Variants in OAS1 observed in about 807,000 individuals in gnomAD.
OAS1 encodes 2'-5'-oligoadenylate synthetase 1.
A neutral mutation model predicts 38.5 loss-of-function variants in OAS1; 24 were observed. The observed-to-expected ratio is 0.62, with a 90% CI of 0.45 to 0.88. The LOEUF is 0.88. Among genes scored for constraint, OAS1 ranks in the 40% least tolerant of loss-of-function variants. The pLI, the probability that OAS1 is intolerant of heterozygous loss-of-function variation, is 0.00. For synonymous variants in OAS1, 169 were observed against 193.9 expected (o/e 0.87, Z 1.07); for missense variants, 482 against 493.9 (o/e 0.98, Z 0.23).
Position 112,916,705 on chromosome 12 carries a change from A to G in OAS1, c.851A>G (p.Glu284Gly). The G allele has an allele frequency of 3.1e-6, 5 of 1,614,176 alleles. No individual in the cohort carries two copies. Among genetic ancestry groups the G allele is most frequent in the Non-Finnish European group, 4.2e-6 (5 of 1,180,010 alleles). The change falls in exon 4 of 6, where the codon GAA (glutamate) becomes GGA (glycine). Residue 284 changes from glutamate (E) to glycine (G), a missense_variant. Transcript: ENST00000202917. ...KYYDFKNPII[E>G]KYLRRQLTKP... ...TATGACTTTAAAAACCCCATTATTG[A>G]AAAGTACCTGAGAAGGCAGCTCACG...
At chr12:112,917,914 C>A (rs2043486261) in intron 5 of OAS1, 3 of 1,445,916 alleles carry the variant, frequency 2.1e-6, no homozygotes, top group Non-Finnish European at 2.7e-6. Context: ...GAATTCATTC[C>A]CCTAAGAGTA....
At position 112,932,009 on chromosome 12, in the gene OAS1, A is replaced by G. The variant is rs550866003; in HGVS notation, c.*87A>G. Reference sequence around the variant, plus strand: ...GCTTAGGGAGGCAGAAATCACAGCAAGGAAAACCTTCAATAATAAACAGAC... The same window carrying G: ...GCTTAGGGAGGCAGAAATCACAGCAGGGAAAACCTTCAATAATAAACAGAC... On this transcript the variant is annotated 3_prime_UTR_variant, in exon 7 of 7. Transcript: ENST00000540589. The G allele has an allele frequency of 4.2e-4, 289 of 685,462 alleles. No individual in the cohort carries two copies. The African/African-American group carries it at 4.6e-3, about 11-fold the overall frequency. 42.5% of individuals were successfully genotyped at this position (685,462 alleles called of 1,614,324 possible). A position where few individuals can be genotyped will look rare whatever the true frequency, so the allele number is the denominator to read the frequency against.
intron 3 of OAS1, among the ~76,000 whole-genome samples, chr12:112,915,668 A>T (rs1325253665): frequency 6.6e-6 from 1 of 152,160 alleles, no homozygotes; most frequent in Non-Finnish European, 1.5e-5. Context: ...TGATGGTGGT[A>T]TTTTGATGGG....
At chr12:112,927,217 AAGAC>A (rs1176516140) in intron 6 of OAS1, among the ~76,000 whole-genome samples, 1 of 152,230 alleles carries the variant, frequency 6.6e-6, no homozygotes, top group African/African-American at 2.4e-5. Flanking sequence ...TAAGAGATTA[AAGAC>A]AGACATAGGA....
chr12:112,916,922 G>T (rs1408663765), intron 4 of OAS1, 184 bp downstream of exon 4: 6 of 587,008 alleles, frequency 1.0e-5, no homozygotes, highest in African/African-American at 3.7e-5. Flanking sequence ...ACCCTGTGAG[G>T]CAGGCACTAT....
At chr12:112,931,224 G>A (rs1290892318) in intron 6 of OAS1, among the ~76,000 whole-genome samples, 1 of 152,206 alleles carries the variant, frequency 6.6e-6, no homozygotes, top group Non-Finnish European at 1.5e-5. Context: ...AACTTTCCAG[G>A]CACATGCTAG....
rs759656325 is a variant in OAS1 at position 112,919,452 on chromosome 12, A to G, written c.1102A>G (p.Ile368Val). ...CAGGAGGTATCAGAAATATGGTTAC[A>G]TTGGAACACATGAGTACCCTCATTT... is the stretch of plus-strand genomic sequence containing the variant. ...DPRRYQKYGY[I>V]GTHEYPHFSH... Residue 368 changes from isoleucine to valine, a missense_variant, in exon 6 of 6, where the codon ATT becomes GTT. Coordinates refer to ENST00000202917, the MANE Select transcript of OAS1 (RefSeq NM_016816.4). 6.2e-7 allele frequency: 1 copy of G among 1,614,206 alleles called. No homozygotes were observed. Among genetic ancestry groups the G allele is most frequent in the African/African-American group, 1.3e-5 (1 of 75,060 alleles).
chr12:112,919,442 A>C lies in OAS1; in HGVS notation c.1092A>C (p.Lys364Asn). The C allele has an allele frequency of 1.2e-6, 2 of 1,614,226 alleles. No homozygotes were observed. The highest frequency in any genetic ancestry group is 1.7e-6 in the Non-Finnish European group (2 of 1,180,028). Residue 364 changes from lysine (K) to asparagine (N), a missense_variant, in exon 6 of 6, where the codon AAA becomes AAC. By Grantham distance (94) the Lys-to-Asn change is moderately conservative. Transcript: ENST00000202917. ...CCGACGATCCCAGGAGGTATCAGAA[A>C]TATGGTTACATTGGAACACATGAGT... ...DETDDPRRYQ[K>N]YGYIGTHEYP...
chr12:112,920,507 T>A (rs534876646), downstream of OAS1, among the ~76,000 whole-genome samples: 2 of 152,350 alleles, frequency 1.3e-5, no homozygotes, highest in East Asian at 3.9e-4. Context: ...CCTTTTTAAT[T>A]GTGGCTACTA....
At position 112,917,624 on chromosome 12, in the gene OAS1, A is replaced by G; in HGVS notation, c.962A>G (p.Gln321Arg). ...CCAAAGGGTTGGAGGCAGCTGGCAC[A>G]AGAGGCTGAGGCCTGGCTGAATTAC... is the stretch of plus-strand genomic sequence containing the variant. ...GDPKGWRQLA[Q>R]EAEAWLNYPC... is the part of the protein sequence containing the mutation. Residue 321 changes from glutamine (Q) to arginine (R), a missense_variant, in exon 5 of 6, where the codon CAA becomes CGA. Coordinates refer to ENST00000202917, the MANE Select transcript of OAS1 (RefSeq NM_016816.4). 5 of 1,614,180 alleles carry G rather than the reference A, an allele frequency of 3.1e-6. No homozygotes were observed. In the Middle Eastern group the frequency reaches 4.9e-4, roughly 160 times the overall value.
chr12:112,908,676 A>T lies in OAS1; in HGVS notation c.321A>T (p.Glu107Asp), dbSNP rs757951086. ...EFIQEIRRQL[E>D]ACQRERAFSV... ...TCCAGGAAATTAGGAGACAGCTGGA[A>T]GCCTGTCAAAGAGAGAGAGCATTTT... Residue 107 changes from glutamate (E) to aspartate (D), a missense_variant, in exon 2 of 6, where the codon GAA (glutamate) becomes GAT (aspartate). By Grantham distance (45) the Glu-to-Asp change is conservative. Transcript: ENST00000202917. 6.2e-7 allele frequency: 1 copy of T among 1,614,242 alleles called. No individual in the cohort carries two copies. The highest frequency in any genetic ancestry group is 1.1e-5 in the South Asian group (1 of 91,086).
downstream of OAS1, among the ~76,000 whole-genome samples, chr12:112,921,453 C>T (rs1158746410): frequency 2.6e-5 from 4 of 152,286 alleles, no homozygotes; most frequent in African/African-American, 9.6e-5. Flanking sequence ...GTTGCTTGAT[C>T]GAAGAGCCAC....
intron 6 of OAS1, among the ~76,000 whole-genome samples, chr12:112,925,990 A>C (rs755110364): frequency 6.6e-6 from 1 of 152,210 alleles, no homozygotes; most frequent in Non-Finnish European, 1.5e-5. Context: ...TTCTGAGCTA[A>C]GTGCTGGGGA....
chr12:112,926,172 T>C (rs1421694028), intron 6 of OAS1, among the ~76,000 whole-genome samples: 1 of 152,148 alleles, frequency 6.6e-6, no homozygotes, highest in East Asian at 1.9e-4. Flanking sequence ...TGGGGGGTAA[T>C]GGCCAGGTCT....
rs1362301663 is a variant in OAS1 at position 112,911,093 on chromosome 12, T to A, written c.512T>A (p.Val171Asp). Residue 171 changes from valine to aspartate, a missense_variant, in exon 3 of 6, where the codon GTC becomes GAC. Coordinates refer to ENST00000202917, the MANE Select transcript of OAS1 (RefSeq NM_016816.4). ...TATAAACCTAACCCCCAAATCTATGTCAAGCTCATCGAGGAGTGCACCGAC... is the reference window on the plus strand; with the variant it reads ...TATAAACCTAACCCCCAAATCTATGACAAGCTCATCGAGGAGTGCACCGAC... ...GGYKPNPQIY[V>D]KLIEECTDLQ... 1 of 1,614,000 alleles carries A rather than the reference T, an allele frequency of 6.2e-7. No homozygotes were observed. The highest frequency in any genetic ancestry group is 8.5e-7 in the Non-Finnish European group (1 of 1,179,958).
At chr12:112,915,405 G>A (rs1473389340) in intron 3 of OAS1, among the ~76,000 whole-genome samples, 1 of 152,120 alleles carries the variant, frequency 6.6e-6, no homozygotes, top group Admixed American at 6.5e-5. Context: ...TTTTTGTTTG[G>A]TTTGTCAAAG....
chr12:112,926,378 C>T (rs1003269564), intron 6 of OAS1, among the ~76,000 whole-genome samples: 5 of 152,188 alleles, frequency 3.3e-5, no homozygotes, highest in Middle Eastern at 3.4e-3. Context: ...AACCAGCCCC[C>T]GATATTTCAA....
downstream of OAS1, among the ~76,000 whole-genome samples, chr12:112,924,585 C>G (rs2043547974): frequency 6.6e-6 from 1 of 151,958 alleles, no homozygotes; most frequent in Admixed American, 6.6e-5. Flanking sequence ...CTGCAGAGGT[C>G]TTTCATGGTT....
At chr12:112,910,816 G>C (rs1205180248) in intron 2 of OAS1, among the ~76,000 whole-genome samples, 3 of 152,156 alleles carry the variant, frequency 2.0e-5, no homozygotes, top group Non-Finnish European at 2.9e-5. Flanking sequence ...GGCTGTGGGG[G>C]AACCTGTAAA....
Sources: gnomAD v4.1 joint callset for allele counts (sites outside exome capture counted in the v4.1 genomes callset) on GRCh38, gnomAD v4.1.1 for gene constraint, MANE v1.5 for transcripts, NCBI Gene and HGNC (gene_info 2026-07-23, HGNC 2026-07-21) for gene names.